The following RYR3 variants were observed in gnomAD, a reference collection of about 807,000 sequenced individuals.
RYR3 encodes the protein brain ryanodine receptor-calcium release channel.
A neutral mutation model predicts 584.3 loss-of-function variants in RYR3; 207 were observed. The ratio of observed to expected loss-of-function variants is 0.35; its 90% confidence interval spans 0.32 to 0.40. The LOEUF (loss-of-function observed/expected upper bound fraction) is 0.40, where lower values mean the gene tolerates loss of function less well. Ranked by LOEUF, RYR3 falls within the 10% of genes least tolerant of loss-of-function variation. The pLI is 1.00. For synonymous variants in RYR3, 2,416 were observed against 2,248.5 expected, an observed-to-expected ratio of 1.07 and a Z score of -2.11; for missense variants, 5,616 against 6,089.2, an observed-to-expected ratio of 0.92 and a Z score of 2.59.
chr15:33,826,839 A>G, intron 84 of RYR3, 87 bp downstream of exon 84: 2 of 888,402 alleles, frequency 2.3e-6, no homozygotes, highest in South Asian at 3.2e-5. Context: ...TGATGCAACT[A>G]GTTGTTAACT....
At chr15:33,706,123 C>T (rs2066696995) in intron 42 of RYR3, among the ~76,000 whole-genome samples, 1 of 151,976 alleles carries the variant, frequency 6.6e-6, no homozygotes, top group South Asian at 2.1e-4. Context: ...TTTCACAGGC[C>T]TCACAGCTAT....
At chr15:33,788,114 T>C (rs1382323365) in intron 66 of RYR3, 104 bp from the exon 67 acceptor site, 2 of 1,424,640 alleles carry the variant, frequency 1.4e-6, no homozygotes, top group Non-Finnish European at 1.9e-6. Flanking sequence ...GCAGGTGCCA[T>C]CCTGAGTCGA....
intron 1 of RYR3, among the ~76,000 whole-genome samples, chr15:33,387,174 A>G (rs1488783070): frequency 6.6e-6 from 1 of 152,116 alleles, no homozygotes; most frequent in Non-Finnish European, 1.5e-5. Flanking sequence ...TTCCTTTTTA[A>G]GGCTGAGTAA....
chr15:33,561,872 C>G (rs1174165777), intron 10 of RYR3, among the ~76,000 whole-genome samples: 1 of 150,888 alleles, frequency 6.6e-6, no homozygotes, highest in Non-Finnish European at 1.5e-5. Context: ...GTCCTCCAGC[C>G]TGGGTGACAG....
In RYR3 at chr15:33,788,249, G is replaced by A. The variant is rs201030434; in HGVS notation, c.9621G>A (p.Arg3207=). Residue 3207 remains arginine, a synonymous_variant, in exon 67 of 104, where the codon AGG becomes AGA. Coordinates refer to ENST00000634891, the MANE Select transcript of RYR3 (RefSeq NM_001036.6). ...CACAGCCCATCATCAGCAAAGCCAG[G>A]CCCGACCTGCTGAGAAGCCACTTCA... ...VYAQPIISKA[R]PDLLRSHFIP... The A allele has an allele frequency of 2.4e-5, 39 of 1,613,832 alleles. No individual in the cohort carries two copies. Among genetic ancestry groups the A allele is most frequent in the Non-Finnish European group, 8.5e-7 (1 of 1,179,882 alleles).
intron 1 of RYR3, among the ~76,000 whole-genome samples, chr15:33,418,018 A>G (rs897857528): frequency 2.6e-5 from 4 of 152,198 alleles, no homozygotes; most frequent in African/African-American, 9.7e-5. Flanking sequence ...CGTCACAGAT[A>G]TAATGCTCAC....
intron 1 of RYR3, among the ~76,000 whole-genome samples, chr15:33,421,642 G>A (rs925497968): frequency 6.6e-6 from 1 of 152,140 alleles, no homozygotes; most frequent in Admixed American, 6.5e-5. Flanking sequence ...AGACCTCTAA[G>A]AGTAATAATC....
At chr15:33,692,559 C>A (rs140764635) in intron 38 of RYR3, among the ~76,000 whole-genome samples, 7 of 151,690 alleles carry the variant, frequency 4.6e-5, no homozygotes, top group African/African-American at 1.5e-4. Flanking sequence ...GGAATTACAT[C>A]TGCCTGTCAG....
At chr15:33,743,932 A>C (rs1453576192) in intron 52 of RYR3, among the ~76,000 whole-genome samples, 1 of 152,164 alleles carries the variant, frequency 6.6e-6, no homozygotes, top group African/African-American at 2.4e-5. Context: ...AACTATTCTG[A>C]AGACAATGGT....
At chr15:33,332,446 G>GAAAGATAC (rs1463619853) in intron 1 of RYR3, among the ~76,000 whole-genome samples, 9 of 152,014 alleles carry the variant, frequency 5.9e-5, no homozygotes, top group Non-Finnish European at 1.5e-5. Context: ...TAAAAGAGTT[G>GAAAGATAC]AAAGATACAA....
Position 33,503,719 on chromosome 15 carries a change from G to A in RYR3, c.260G>A (p.Gly87Asp). The change falls in exon 3 of 104, where the codon GGT becomes GAT. Residue 87 changes from glycine to aspartate, a missense_variant. Gly to Asp is a moderately conservative substitution (Grantham distance 94). Around this residue, in one of 9 missense-constraint regions of RYR3, gnomAD observed 1,284 missense variants for 1,344.6 expected, o/e 0.95. Coordinates refer to ENST00000634891, the MANE Select transcript of RYR3 (RefSeq NM_001036.6). ...RALQEMLANT[G>D]ENGGEGAAQG... ...CTGCAGGAAATGCTTGCCAACACAG[G>A]TGAAAATGGCGGCGAAGGGGTGAGT... is the stretch of plus-strand genomic sequence containing the variant. 1 of 1,611,854 alleles carries A rather than the reference G, an allele frequency of 6.2e-7. No homozygotes were observed. Among genetic ancestry groups the A allele is most frequent in the East Asian group, 2.2e-5 (1 of 44,848 alleles).
chr15:33,519,510 A>G (rs2053805046), intron 3 of RYR3, among the ~76,000 whole-genome samples: 1 of 152,160 alleles, frequency 6.6e-6, no homozygotes, highest in Non-Finnish European at 1.5e-5. Context: ...TATGTGGCTA[A>G]GTCCTGGAGG....
intron 1 of RYR3, among the ~76,000 whole-genome samples, chr15:33,409,050 A>AT (rs1316240347): frequency 1.3e-5 from 2 of 152,180 alleles, no homozygotes; most frequent in East Asian, 3.9e-4. Flanking sequence ...CTCATAATGC[A>AT]TTAGGGGTTT....
rs530606264 is a variant in RYR3, at chr15:33,412,710, C to T, written c.52-60709C>T. ...CTGAGTACTGTGGCTAAATCAAGCT[C>T]CCATTCCACTGCTGCATTTTCAGAA... On this transcript the variant is annotated intron_variant, in intron 1 of 103. Coordinates refer to ENST00000634891, the MANE Select transcript of RYR3 (RefSeq NM_001036.6). This position sits in a 1 kb window ranked among gnomAD's most constrained non-coding sequence, Gnocchi z 4.3. Among the ~76,000 whole-genome samples, 10 of 152,272 alleles carry T rather than the reference C, an allele frequency of 6.6e-5. No individual in the cohort carries two copies. The East Asian group carries it at 1.7e-3, about 26-fold the overall frequency.
At chr15:33,860,762 A>T (rs1887884725) in intron 101 of RYR3, 103 bp downstream of exon 101, 20 of 904,072 alleles carry the variant, frequency 2.2e-5, no homozygotes, top group Non-Finnish European at 3.0e-5. Flanking sequence ...GCCAGTACTA[A>T]GCAAGAACGC....
chr15:33,704,583 T>C (rs1247771194), intron 42 of RYR3, among the ~76,000 whole-genome samples: 1 of 152,234 alleles, frequency 6.6e-6, no homozygotes, highest in Non-Finnish European at 1.5e-5. Context: ...AACTCTGTTA[T>C]TCGTACATTT....
At chr15:33,555,067 G>A (rs77981617) in intron 10 of RYR3, among the ~76,000 whole-genome samples, 3,418 of 152,260 alleles carry the variant, frequency 0.022, 52 homozygotes, top group Non-Finnish European at 0.035. Context: ...TTCCCAATTA[G>A]AGGAAATTTT....
intron 58 of RYR3, among the ~76,000 whole-genome samples, chr15:33,755,643 T>C (rs916975846): frequency 2.8e-4 from 42 of 152,034 alleles, no homozygotes. Context: ...AAACAAAAAC[T>C]CCTTAGTTTT....
chr15:33,845,983 A>G (rs2078702194), intron 93 of RYR3, among the ~76,000 whole-genome samples: 1 of 152,360 alleles, frequency 6.6e-6, no homozygotes, highest in East Asian at 1.9e-4. Context: ...CTGCGAGCTC[A>G]GCTGGGCTGG....
Sources: allele counts gnomAD v4.1 joint callset (sites outside exome capture counted in the v4.1 genomes callset), GRCh38; gene constraint gnomAD v4.1.1; regional missense constraint gnomAD v4.1.1; non-coding constraint Gnocchi (gnomAD v3.1); transcripts MANE v1.5; gene names NCBI Gene and HGNC (gene_info 2026-07-23, HGNC 2026-07-21).